The following DLC1 variants were observed in gnomAD, a reference collection of about 807,000 sequenced individuals.
DLC1 encodes the protein DLC1 Rho GTPase activating protein.
A neutral mutation model predicts 140.3 loss-of-function variants in DLC1; 54 were observed. The observed-to-expected ratio is 0.38, with a 90% confidence interval of 0.31 to 0.48. The LOEUF (loss-of-function observed/expected upper bound fraction) is 0.48. DLC1 is among the 20% of genes least tolerant of loss of function. DLC1 has a pLI of 0.96. For missense variants in DLC1, 2,536 were observed against 1,907.0 expected, an observed-to-expected ratio of 1.33 and a Z score of -6.14; for synonymous variants, 986 against 728.1, an observed-to-expected ratio of 1.35 and a Z score of -5.70.
chr8:13,092,180 G>A (rs1409904602), intron 13 of DLC1, among the ~76,000 whole-genome samples: 1 of 152,230 alleles, frequency 6.6e-6, no homozygotes, highest in Non-Finnish European at 1.5e-5. Flanking sequence ...GGAAGGCAGA[G>A]GTTGCAGTGA....
chr8:13,602,924 G>A (rs769917975), intron 1 of DLC1, among the ~76,000 whole-genome samples: 2 of 151,788 alleles, frequency 1.3e-5, no homozygotes, highest in Admixed American at 1.3e-4. Context: ...AACATGTAGT[G>A]ATAAAATAAT....
chr8:13,405,974 A>ATC (rs1225816292), intron 2 of DLC1, among the ~76,000 whole-genome samples: 18 of 19,394 alleles, frequency 9.3e-4, no homozygotes, highest in African/African-American at 1.8e-3. Flanking sequence ...TCTTTCTTTC[A>ATC]TCTCTCTCTC....
At chr8:13,319,058 T>C (rs1195384678) in intron 4 of DLC1, among the ~76,000 whole-genome samples, 1 of 152,226 alleles carries the variant, frequency 6.6e-6, no homozygotes, top group Admixed American at 6.5e-5. Context: ...CCTGGAATTC[T>C]TCATCAATCA....
intron 5 of DLC1, among the ~76,000 whole-genome samples, chr8:13,298,921 A>G (rs1832071470): frequency 6.6e-6 from 1 of 152,202 alleles, no homozygotes; most frequent in Non-Finnish European, 1.5e-5. Flanking sequence ...TTTGTTTTGC[A>G]TGGGCTGCTA....
chr8:13,387,384 T>C (rs13277472), intron 4 of DLC1, among the ~76,000 whole-genome samples: 31,616 of 151,854 alleles, frequency 0.21, 3,868 homozygotes, highest in Admixed American at 0.26. Context: ...AGCAAACATA[T>C]AGTATATGAT....
Position 13,453,417 on chromosome 8 carries a change from TA to T in DLC1, c.1023+45631del, listed in dbSNP as rs1563359680. Among the ~76,000 whole-genome samples, 14 of 50,322 alleles carry T rather than the reference TA, an allele frequency of 2.8e-4. 2 individuals carry two copies. The highest frequency in any genetic ancestry group is 1.1e-3 in the African/African-American group (9 of 8,262). 33.0% of individuals were successfully genotyped at this position (50,322 alleles called of 152,430 possible). On this transcript the variant is annotated intron_variant, in intron 2 of 17. Coordinates refer to ENST00000276297, the MANE Select transcript of DLC1 (RefSeq NM_182643.3). ...ATATATATATGTGTATATATATATA[TA>T]TATATGTGTATATATATATGTATAT...
chr8:13,565,567 G>A (rs1804397759), intron 1 of DLC1, among the ~76,000 whole-genome samples: 1 of 152,204 alleles, frequency 6.6e-6, no homozygotes, highest in Non-Finnish European at 1.5e-5. Flanking sequence ...ATCTTCAACA[G>A]GAAGCTGGCT....
rs1404605250 is a variant in DLC1, at chr8:13,585,595, G to A, written c.-126+18942C>T. ...CATACGTGTATTGTCTCTGAGTTCC[G>A]AAGGCTGGAAGTCCGAAATTGAGGT... On this transcript the variant is annotated intron_variant, in intron 1 of 1. Transcript: ENST00000631382. Among the ~76,000 whole-genome samples the A allele has an allele frequency of 2.6e-5, 4 of 152,256 alleles. No individual in the cohort carries two copies. The East Asian group carries it at 5.8e-4, about 22-fold the overall frequency.
chr8:13,398,604 C>T (rs62492178), intron 3 of DLC1, among the ~76,000 whole-genome samples: 4 of 35,724 alleles, frequency 1.1e-4, no homozygotes, highest in African/African-American at 5.9e-4. Context: ...CCCATCTCTA[C>T]CAAAAAAAAA....
intron 1 of DLC1, among the ~76,000 whole-genome samples, chr8:13,506,590 TATATATATATATATATATACAC>T (rs1169261044): frequency 2.5e-5 from 1 of 40,316 alleles, no homozygotes; most frequent in African/African-American, 8.2e-5. Context: ...TGTATATATA[TATATATATATATATATATACAC>T]ATATATATAC....
intron 5 of DLC1, among the ~76,000 whole-genome samples, chr8:13,256,632 C>G (rs1397556109): frequency 2.0e-5 from 3 of 152,042 alleles, no homozygotes; most frequent in Non-Finnish European, 4.4e-5. Flanking sequence ...AACAGAAAAC[C>G]AAACACTGCA....
At chr8:13,218,801 C>A (rs1828339324) in intron 5 of DLC1, among the ~76,000 whole-genome samples, 1 of 59,500 alleles carries the variant, frequency 1.7e-5, no homozygotes, top group African/African-American at 8.8e-5. Context: ...AAATATATAT[C>A]ATAATTATAT....
intron 5 of DLC1, among the ~76,000 whole-genome samples, chr8:13,290,580 G>A (rs7013614): frequency 0.076 from 11,615 of 152,020 alleles, 494 homozygotes; most frequent in South Asian, 0.16. Context: ...TTATTATATA[G>A]TAGGGGAAAA....
chr8:13,393,156 C>G (rs971572087), intron 4 of DLC1, among the ~76,000 whole-genome samples: 1 of 152,050 alleles, frequency 6.6e-6, no homozygotes, highest in Non-Finnish European at 1.5e-5. Context: ...ATCCATCCAT[C>G]CATCCATCAT....
In DLC1 at chr8:13,132,557, C is replaced by T. The variant is rs565963595; in HGVS notation, c.1349-16900G>A. Among the ~76,000 whole-genome samples, 6 of 152,142 alleles carry T rather than the reference C, an allele frequency of 3.9e-5. No individual in the cohort carries two copies. The South Asian group carries it at 1.2e-3, about 31-fold the overall frequency. The stretch of plus-strand genomic sequence containing the variant: ...GAGATCAGTACGAGCGCAGAGCAGT[C>T]CCCAGAGGAAAGGAAGGTAGAAGGC... On this transcript the variant is annotated intron_variant, in intron 5 of 17. Transcript: ENST00000276297.
At chr8:13,362,485 A>C (rs905349545) in intron 4 of DLC1, among the ~76,000 whole-genome samples, 10 of 152,238 alleles carry the variant, frequency 6.6e-5, no homozygotes, top group South Asian at 2.1e-4. Context: ...AATTAGAGTG[A>C]AACTCTTATG....
chr8:13,412,931 C>CAAAAAAA (rs771025112), intron 2 of DLC1, among the ~76,000 whole-genome samples: 2 of 93,970 alleles, frequency 2.1e-5, no homozygotes, highest in African/African-American at 4.7e-5. Context: ...GACTCCATCT[C>CAAAAAAA]AAAAAAAAAA....
chr8:13,196,483 G>T (rs925108087), intron 5 of DLC1, among the ~76,000 whole-genome samples: 10 of 152,126 alleles, frequency 6.6e-5, no homozygotes, highest in Admixed American at 2.6e-4. Flanking sequence ...TGGGAGACAG[G>T]AGACTATTCA....
chr8:13,129,561 G>C (rs964434208), intron 5 of DLC1, among the ~76,000 whole-genome samples: 1 of 152,206 alleles, frequency 6.6e-6, no homozygotes, highest in Non-Finnish European at 1.5e-5. Flanking sequence ...AAAAGTCAGA[G>C]ATACAACTGT....
Sources: allele counts gnomAD v4.1 joint callset (sites outside exome capture counted in the v4.1 genomes callset), GRCh38; gene constraint gnomAD v4.1.1; transcripts MANE v1.5; gene names NCBI Gene and HGNC (gene_info 2026-07-23, HGNC 2026-07-21).